Variants in WDR33 observed in about 807,000 individuals in gnomAD.
WDR33 encodes the protein pre-mRNA 3' end processing protein WDR33.
A neutral mutation model predicts 164.9 loss-of-function variants in WDR33; 47 were observed. The ratio of observed to expected loss-of-function variants is 0.29; its 90% CI spans 0.23 to 0.36. The LOEUF (loss-of-function observed/expected upper bound fraction) is 0.36. Among genes scored for constraint, WDR33 ranks in the 10% least tolerant of loss-of-function variants. WDR33 has a pLI of 1.00. For synonymous variants in WDR33, 505 were observed against 589.0 expected (o/e 0.86, Z 2.06); for missense variants, 1,137 against 1,754.1 (o/e 0.65, Z 6.28).
At chr2:127,750,714 G>GTATACATACATATA (rs1558937021) in intron 7 of WDR33, among the ~76,000 whole-genome samples, 1 of 33,332 alleles carries the variant, frequency 3.0e-5, no homozygotes, top group African/African-American at 1.7e-4. Context: ...ATATATATAT[G>GTATACATACATATA]TATGTATGCA....
intron 1 of WDR33, among the ~76,000 whole-genome samples, chr2:127,788,285 C>A (rs1256559855): frequency 7.8e-6 from 1 of 128,176 alleles, no homozygotes; most frequent in African/African-American, 3.1e-5. Context: ...GGCGGCCGGC[C>A]GGGCGGGGGG....
At position 127,726,856 on chromosome 2, in the gene WDR33, G is replaced by A; in HGVS notation, c.725-79C>T. Reference sequence around the variant, plus strand: ...ATTTAAACCAAAGTAGAGAAACCTAGTAAATGTTTTGCTCTCAGTGCTCAG... The same window carrying A: ...ATTTAAACCAAAGTAGAGAAACCTAATAAATGTTTTGCTCTCAGTGCTCAG... On this transcript the variant is annotated intron_variant, in intron 7 of 21. Coordinates refer to ENST00000322313, the MANE Select transcript of WDR33 (RefSeq NM_018383.5). This position sits in a 1 kb window ranked among gnomAD's most constrained non-coding sequence, Gnocchi z 4.8. 6.4e-7 allele frequency: 1 copy of A among 1,562,688 alleles called. No homozygotes were observed. The highest frequency in any genetic ancestry group is 1.7e-4 in the Middle Eastern group (1 of 5,754).
intron 1 of WDR33, among the ~76,000 whole-genome samples, chr2:127,809,361 A>C (rs1328035664): frequency 6.6e-6 from 1 of 152,002 alleles, no homozygotes; most frequent in Non-Finnish European, 1.5e-5. Context: ...ATCCAAGTTA[A>C]GCCATCAGCT....
chr2:127,810,080 A>G (rs1423954163), intron 1 of WDR33, among the ~76,000 whole-genome samples: 2 of 152,200 alleles, frequency 1.3e-5, no homozygotes, highest in Non-Finnish European at 2.9e-5. Context: ...ACACATATAT[A>G]TGTATATATA....
At position 127,706,055 on chromosome 2, in the gene WDR33, TAAAAAA is replaced by T. The variant is rs570651272; in HGVS notation, c.*262_*267del. On this transcript the variant is annotated 3_prime_UTR_variant, in exon 22 of 22. Coordinates refer to ENST00000322313, the MANE Select transcript of WDR33 (RefSeq NM_018383.5). The surrounding 1 kb of genome is among the most constrained non-coding windows in gnomAD (Gnocchi z 5.1). ...GAGATGCCCCATGTCTTGTGAGACT[TAAAAAA>T]AAGAAAAAGATCCCAGCTTTTATCT... 3.2e-5 allele frequency: 12 copies of T among 376,948 alleles called. No individual in the cohort carries two copies. Among genetic ancestry groups the T allele is most frequent in the Admixed American group, 2.3e-4 (5 of 22,080 alleles). 23.4% of individuals were successfully genotyped at this position (376,948 alleles called of 1,614,324 possible).
chr2:127,701,925 G>A lies in WDR33; in HGVS notation c.*4398C>T. ...GCTGCTGCGGGGCGGCGCGGCGTGC[G>A]GACGCCTGCTGCGCTGCGAAGAAGC... On this transcript the variant is annotated 3_prime_UTR_variant, in exon 22 of 22. Coordinates refer to ENST00000322313, the MANE Select transcript of WDR33 (RefSeq NM_018383.5). 1 of 1,441,158 alleles carries A rather than the reference G, an allele frequency of 6.9e-7. No individual in the cohort carries two copies. The highest frequency in any genetic ancestry group is 2.7e-5 in the Admixed American group (1 of 37,052). 89.3% of individuals were successfully genotyped at this position (1,441,158 alleles called of 1,614,324 possible). A position where few individuals can be genotyped will look rare whatever the true frequency, so the allele number is the denominator to read the frequency against.
At position 127,721,464 on chromosome 2, in the gene WDR33, TAGTC is replaced by T. The variant is rs1686436778; in HGVS notation, c.1671+368_1671+371del. The stretch of plus-strand genomic sequence containing the variant: ...TCAAGGAAGTCACTTAAAAAAAAAT[TAGTC>T]AGACGTGATGGTGCATGCCTGTGGT... On this transcript the variant is annotated intron_variant, in intron 15 of 21. Transcript: ENST00000322313. This position sits in a 1 kb window ranked among gnomAD's most constrained non-coding sequence, Gnocchi z 4.9. 1.3e-5 allele frequency among the ~76,000 whole-genome samples: 2 copies of T among 151,972 alleles called. No homozygotes were observed. The highest frequency in any genetic ancestry group is 2.4e-5 in the African/African-American group (1 of 41,364).
chr2:127,710,467 A>T lies in WDR33; in HGVS notation c.3309-611T>A, dbSNP rs1322477461. The stretch of plus-strand genomic sequence containing the variant: ...CTCCACCCAGGGGCAGGCCTCCATG[A>T]CCACGAGTGGCACTCATGGCCCGAG... On this transcript the variant is annotated intron_variant, in intron 18 of 21. Transcript: ENST00000322313. This position sits in a 1 kb window ranked among gnomAD's most constrained non-coding sequence, Gnocchi z 4.4. Among the ~76,000 whole-genome samples the T allele has an allele frequency of 6.6e-6, 1 of 152,108 alleles. No individual in the cohort carries two copies.
chr2:127,805,564 GGCTA>G (rs979781087), intron 1 of WDR33, among the ~76,000 whole-genome samples: 17 of 151,022 alleles, frequency 1.1e-4, no homozygotes, highest in Admixed American at 1.0e-3. Context: ...AAAAAGATGA[GGCTA>G]GCTGTTTGTG....
At position 127,716,665 on chromosome 2, in the gene WDR33, C is replaced by G. The variant is rs1266097171; in HGVS notation, c.2869+490G>C. Among the ~76,000 whole-genome samples, 2 of 152,228 alleles carry G rather than the reference C, an allele frequency of 1.3e-5. No individual in the cohort carries two copies. Among genetic ancestry groups the G allele is most frequent in the African/African-American group, 2.4e-5 (1 of 41,458 alleles). The stretch of plus-strand genomic sequence containing the variant: ...ATTCTCATCTCTTTCCTTTTCATAT[C>G]AACAACCTGAGGAGCCACATATGGC... On this transcript the variant is annotated intron_variant, in intron 17 of 21. Coordinates refer to ENST00000322313, the MANE Select transcript of WDR33 (RefSeq NM_018383.5). This position sits in a 1 kb window ranked among gnomAD's most constrained non-coding sequence, Gnocchi z 4.5.
At position 127,712,360 on chromosome 2, in the gene WDR33, C is replaced by T. The variant is rs529424348; in HGVS notation, c.3308+1223G>A. Among the ~76,000 whole-genome samples the T allele has an allele frequency of 6.6e-5, 10 of 151,230 alleles. No individual in the cohort carries two copies. The South Asian group carries it at 2.1e-3, about 32-fold the overall frequency. On this transcript the variant is annotated intron_variant, in intron 18 of 21. Coordinates refer to ENST00000322313, the MANE Select transcript of WDR33 (RefSeq NM_018383.5). This position sits in a 1 kb window ranked among gnomAD's most constrained non-coding sequence, Gnocchi z 4.0. ...GCAGTGAGCCGAGATCGTGCCACTGCACTCCAGCCTGGCAACAGAGCAAGA... is the reference window on the plus strand; with the variant it reads ...GCAGTGAGCCGAGATCGTGCCACTGTACTCCAGCCTGGCAACAGAGCAAGA...
intron 1 of WDR33, among the ~76,000 whole-genome samples, chr2:127,780,392 A>G (rs1688329908): frequency 6.6e-6 from 1 of 152,150 alleles, no homozygotes; most frequent in Admixed American, 6.5e-5. Context: ...TTGATACCCA[A>G]TCTGTCATTG....
At position 127,735,610 on chromosome 2, in the gene WDR33, A is replaced by T; in HGVS notation, c.725-8833T>A. 1 of 985,878 alleles carries T rather than the reference A, an allele frequency of 1.0e-6. No individual in the cohort carries two copies. The highest frequency in any genetic ancestry group is 6.1e-5 in the Admixed American group (1 of 16,286). 61.1% of individuals were successfully genotyped at this position (985,878 alleles called of 1,614,324 possible). On this transcript the variant is annotated intron_variant, in intron 7 of 21. Transcript: ENST00000322313. The surrounding 1 kb of genome is among the most constrained non-coding windows in gnomAD (Gnocchi z 4.3). ...GAACTGTTACTCAAGAAAATGTGTTAAACATTAACAGCAAACTCAGGCTAC... is the reference window on the plus strand; with the variant it reads ...GAACTGTTACTCAAGAAAATGTGTTTAACATTAACAGCAAACTCAGGCTAC...
rs928604043 is a variant in WDR33 at position 127,714,901 on chromosome 2, C to T, written c.2870-880G>A. The stretch of plus-strand genomic sequence containing the variant: ...TCAAACACTTTTTAAAAGTAGGTAG[C>T]GAAAGGATACTCTTGATTCTAAAAA... On this transcript the variant is annotated intron_variant, in intron 17 of 21. Transcript: ENST00000322313. The surrounding 1 kb of genome is among the most constrained non-coding windows in gnomAD (Gnocchi z 4.3). 2.0e-5 allele frequency among the ~76,000 whole-genome samples: 3 copies of T among 151,944 alleles called. No individual in the cohort carries two copies. Among genetic ancestry groups the T allele is most frequent in the Non-Finnish European group, 4.4e-5 (3 of 67,996 alleles).
intron 1 of WDR33, among the ~76,000 whole-genome samples, chr2:127,775,648 A>C (rs950670200): frequency 6.6e-6 from 1 of 152,244 alleles, no homozygotes; most frequent in Admixed American, 6.5e-5. Flanking sequence ...TCAAATGCAA[A>C]AAAAGTATTG....
In WDR33 at chr2:127,763,529, A is replaced by G; in HGVS notation, c.627-370T>C. 9.7e-7 allele frequency: 1 copy of G among 1,031,448 alleles called. No homozygotes were observed. The allele number at this position is 1,031,448 out of a possible 1,614,324, so 63.9% of individuals were successfully genotyped here. A position where few individuals can be genotyped will look rare whatever the true frequency, so the allele number is the denominator to read the frequency against. On this transcript the variant is annotated intron_variant, in intron 6 of 21. Transcript: ENST00000322313. The surrounding 1 kb of genome is among the most constrained non-coding windows in gnomAD (Gnocchi z 4.5). ...CAGTATTCCTGCAGTCTTTTAAATC[A>G]CACACGAATACTGCTCCCAAAATTA... is the stretch of plus-strand genomic sequence containing the variant.
rs560334677 is a variant in WDR33, at chr2:127,725,972, C to A, written c.851+679G>T. Reference sequence around the variant, plus strand: ...TTGAACTAAAGACAATGCAACAACCCCTGGCCTGCACAATGGATATCTCCA... The same window carrying A: ...TTGAACTAAAGACAATGCAACAACCACTGGCCTGCACAATGGATATCTCCA... On this transcript the variant is annotated intron_variant, in intron 8 of 21. Coordinates refer to ENST00000322313, the MANE Select transcript of WDR33 (RefSeq NM_018383.5). 9.9e-5 allele frequency among the ~76,000 whole-genome samples: 15 copies of A among 152,026 alleles called. No homozygotes were observed. In the South Asian group the frequency reaches 2.9e-3, roughly 30 times the overall value.
At position 127,719,832 on chromosome 2, in the gene WDR33, TGGGCCCAAGTGACCCTGA is replaced by T; in HGVS notation, c.2175_2192del (p.His728_Gly733del). On this transcript the variant is annotated inframe_deletion, in exon 16 of 22. Transcript: ENST00000322313. The surrounding 1 kb of genome is among the most constrained non-coding windows in gnomAD (Gnocchi z 6.5). ...TACCTTGAGTACCCGGAGGCCCCTG[TGGGCCCAAGTGACCCTGA>T]GGGCCAGGCGGGCCTTGGGGGCCTA... is the stretch of plus-strand genomic sequence containing the variant. The T allele has an allele frequency of 6.2e-7, 1 of 1,613,650 alleles. No homozygotes were observed. The highest frequency in any genetic ancestry group is 1.3e-5 in the African/African-American group (1 of 75,032).
At chr2:127,730,471 AAC>A (rs922712225) in intron 7 of WDR33, among the ~76,000 whole-genome samples, 2 of 151,298 alleles carry the variant, frequency 1.3e-5, no homozygotes, top group African/African-American at 4.9e-5. Context: ...ATTAAAAAAA[AAC>A]CTTTGATATG....
Sources: allele counts gnomAD v4.1 joint callset (sites outside exome capture counted in the v4.1 genomes callset), GRCh38; gene constraint gnomAD v4.1.1; non-coding constraint Gnocchi (gnomAD v3.1); transcripts MANE v1.5; gene names NCBI Gene and HGNC (gene_info 2026-07-23, HGNC 2026-07-21).